The following AADACL3 variants were observed in gnomAD, a reference collection of about 807,000 sequenced individuals.
AADACL3 encodes arylacetamide deacetylase-like 3.
A neutral mutation model predicts 13.6 loss-of-function variants in AADACL3; 13 were observed. The ratio of observed to expected loss-of-function variants is 0.95; its 90% confidence interval spans 0.62 to 1.52. The LOEUF (loss-of-function observed/expected upper bound fraction) is 1.52. Among genes scored for constraint, AADACL3 ranks in the 40% most tolerant of loss-of-function variants. AADACL3 has a pLI of 0.00. For missense variants in AADACL3, 519 were observed against 499.2 expected (o/e 1.04, Z -0.38); for synonymous variants, 195 against 197.0 (o/e 0.99, Z 0.08).
rs1638242415 is a variant in AADACL3, at chr1:12,720,904, C to CT, written c.408dup (p.Arg137SerfsTer7). ...CTAGAAACCCACCATGGCATATGCT[C>CT]TCGTTTGTGCAAGGAGAGTGACTCC... On this transcript the variant is annotated frameshift_variant, in exon 3 of 4. Coordinates refer to ENST00000359318, the MANE Select transcript of AADACL3 (RefSeq NM_001103170.3). LOFTEE classifies it low-confidence loss of function (END_TRUNC). 1 of 1,611,962 alleles carries CT rather than the reference C, an allele frequency of 6.2e-7. No homozygotes were observed. The highest frequency in any genetic ancestry group is 8.5e-7 in the Non-Finnish European group (1 of 1,178,768).
chr1:12,719,734 C>A, intron 2 of AADACL3, 43 bp downstream of exon 2: 1 of 1,560,942 alleles, frequency 6.4e-7, no homozygotes, highest in Non-Finnish European at 8.8e-7. Flanking sequence ...TGGTGGCACC[C>A]CTTAACATAA....
intron 3 of AADACL3, among the ~76,000 whole-genome samples, chr1:12,723,159 A>C (rs965589029): frequency 6.6e-6 from 1 of 152,166 alleles, no homozygotes; most frequent in Non-Finnish European, 1.5e-5. Flanking sequence ...AGTGTGAGCC[A>C]CTATGCCTGC....
intron 3 of AADACL3, 91 bp from the exon 4 acceptor site, chr1:12,725,131 T>C: frequency 7.4e-7 from 1 of 1,352,348 alleles, no homozygotes; most frequent in Non-Finnish European, 1.0e-6. Context: ...CAAAGGGAAG[T>C]GAATGGACTA....
At position 12,725,389 on chromosome 1, in the gene AADACL3, T is replaced by C; in HGVS notation, c.617T>C (p.Leu206Pro). 1 of 1,614,184 alleles carries C rather than the reference T, an allele frequency of 6.2e-7. No homozygotes were observed. The highest frequency in any genetic ancestry group is 8.5e-7 in the Non-Finnish European group (1 of 1,180,038). ...GAIAAVVCQQ[L>P]VDRPDLPRIR... ...ATAGCCGCAGTGGTTTGTCAACAAC[T>C]TGTGGACAGGCCAGATCTGCCCCGG... The change falls in exon 4 of 4, where the codon CTT (leucine) becomes CCT (proline). Residue 206 changes from leucine (L) to proline (P), a missense_variant. Physicochemically the swap from Leu to Pro is moderately conservative, Grantham distance 98. Transcript: ENST00000359318.
intron 1 of AADACL3, among the ~76,000 whole-genome samples, chr1:12,717,841 T>C (rs976912865): frequency 6.6e-6 from 1 of 151,332 alleles, no homozygotes; most frequent in African/African-American, 2.4e-5. Context: ...TCACAGAACA[T>C]AAGGGGGTCA....
intron 1 of AADACL3, among the ~76,000 whole-genome samples, chr1:12,716,611 T>C (rs1648441786): frequency 6.6e-6 from 1 of 152,256 alleles, no homozygotes; most frequent in Non-Finnish European, 1.5e-5. Flanking sequence ...CCAGTCTGGT[T>C]CTATTCACCT....
intron 1 of AADACL3, 35 bp from the exon 2 acceptor site, chr1:12,719,440 C>G: frequency 6.3e-7 from 1 of 1,593,742 alleles, no homozygotes; most frequent in South Asian, 1.1e-5. Flanking sequence ...GTGAAGAAAC[C>G]CATCTCGACC....
chr1:12,717,992 A>G (rs1648476119), intron 1 of AADACL3, among the ~76,000 whole-genome samples: 1 of 152,216 alleles, frequency 6.6e-6, no homozygotes, highest in South Asian at 2.1e-4. Flanking sequence ...CCAGACCTCG[A>G]CTTTTCACCA....
chr1:12,727,444 G>A lies in AADACL3; in HGVS notation c.*1448G>A, dbSNP rs1557573643. 3 of 152,302 alleles carry A rather than the reference G, an allele frequency of 2.0e-5. No homozygotes were observed. In the South Asian group the frequency reaches 6.2e-4, roughly 32 times the overall value. The allele number at this position is 152,302 out of a possible 1,614,324, so 9.4% of individuals were successfully genotyped here. ...AGTGGCAAGAGATGTCAAGACCACT[G>A]GGCAAGTTGGCCAGTTGTTCCTTAG... On this transcript the variant is annotated 3_prime_UTR_variant, in exon 4 of 4. Transcript: ENST00000359318.
intron 1 of AADACL3, among the ~76,000 whole-genome samples, chr1:12,717,544 G>A (rs375393283): frequency 6.6e-6 from 1 of 152,198 alleles, no homozygotes; most frequent in African/African-American, 2.4e-5. Flanking sequence ...TTATGCAACT[G>A]CTGTGTGTCC....
chr1:12,719,668 G>A lies in AADACL3; in HGVS notation c.362G>A (p.Gly121Asp), dbSNP rs1202736705. 1.2e-6 allele frequency: 2 copies of A among 1,614,128 alleles called. No individual in the cohort carries two copies. Among genetic ancestry groups the A allele is most frequent in the Admixed American group, 1.7e-5 (1 of 60,012 alleles). ...LKPGIVYYHG[G>D]GGVMGSLKTH... is the part of the protein sequence containing the mutation. ...CCTGGCATCGTGTACTACCACGGTG[G>A]CGGGGGCGTCATGGGGAGTTTGAGT... is the stretch of plus-strand genomic sequence containing the variant. Residue 121 changes from glycine to aspartate, a missense_variant, in exon 2 of 4, where the codon GGC becomes GAC. Coordinates refer to ENST00000359318, the MANE Select transcript of AADACL3 (RefSeq NM_001103170.3).
Position 12,725,880 on chromosome 1 carries a change from C to A in AADACL3, c.1108C>A (p.His370Asn), listed in dbSNP as rs769698072. The stretch of plus-strand genomic sequence containing the variant: ...AGACCTGGGAGTGCCCGTGACCTGG[C>A]ACCATATGGAGGATGGTTTCCATGG... ...LEDLGVPVTW[H>N]HMEDGFHGVL... Residue 370 changes from histidine to asparagine, a missense_variant, in exon 4 of 4, where the codon CAC becomes AAC. By Grantham distance (68) the His-to-Asn change is moderately conservative. Coordinates refer to ENST00000359318, the MANE Select transcript of AADACL3 (RefSeq NM_001103170.3). The A allele has an allele frequency of 3.1e-6, 5 of 1,614,076 alleles. No individual in the cohort carries two copies. The highest frequency in any genetic ancestry group is 4.2e-6 in the Non-Finnish European group (5 of 1,180,026).
At chr1:12,718,108 T>C (rs1167061372) in intron 1 of AADACL3, among the ~76,000 whole-genome samples, 1 of 152,226 alleles carries the variant, frequency 6.6e-6, no homozygotes, top group Non-Finnish European at 1.5e-5. Context: ...TTAGATCTTA[T>C]TACTCTATGT....
At chr1:12,723,323 T>C (rs1164204928) in intron 3 of AADACL3, among the ~76,000 whole-genome samples, 1 of 152,214 alleles carries the variant, frequency 6.6e-6, no homozygotes, top group Admixed American at 6.5e-5. Flanking sequence ...TGGTGGTGGG[T>C]TAAATCTAGG....
Position 12,725,227 on chromosome 1 carries a change from G to C in AADACL3, c.455G>C (p.Arg152Pro), listed in dbSNP as rs748929112. The change falls in exon 4 of 4, where the codon CGC becomes CCC. Residue 152 changes from arginine (R) to proline (P), a missense_variant. Physicochemically the swap from Arg to Pro is moderately radical, Grantham distance 103. Transcript: ENST00000359318. ...SDSVVLAVGY[R>P]KLPKHKFPVP... The stretch of plus-strand genomic sequence containing the variant: ...GTTTCTTGATTCCTTTTTAGTTACC[G>C]CAAGTTACCTAAGCATAAGTTTCCA... 1 of 1,595,098 alleles carries C rather than the reference G, an allele frequency of 6.3e-7. No individual in the cohort carries two copies. The highest frequency in any genetic ancestry group is 2.2e-5 in the East Asian group (1 of 44,672).
At chr1:12,717,388 G>T (rs1220855838) in intron 1 of AADACL3, among the ~76,000 whole-genome samples, 1 of 152,122 alleles carries the variant, frequency 6.6e-6, no homozygotes, top group African/African-American at 2.4e-5. Flanking sequence ...AGGGAAAATT[G>T]CTCCTACTTC....
intron 3 of AADACL3, among the ~76,000 whole-genome samples, chr1:12,724,979 T>C (rs1638335628): frequency 6.6e-6 from 1 of 152,166 alleles, no homozygotes; most frequent in Non-Finnish European, 1.5e-5. Flanking sequence ...ATTTACATTG[T>C]TGGCCAATTG....
intron 3 of AADACL3, among the ~76,000 whole-genome samples, chr1:12,724,029 C>T (rs1470426920): frequency 6.6e-6 from 1 of 152,162 alleles, no homozygotes; most frequent in African/African-American, 2.4e-5. Context: ...GGTGATCCAC[C>T]TGCCTCGGCC....
chr1:12,728,670 G>A lies in AADACL3; in HGVS notation c.*2674G>A, dbSNP rs552557600. Reference sequence around the variant, plus strand: ...GTCGTAATCTTTTTGCTGGTTGATGGTCTTGCCTTGATGTTGATGCTGCAG... The same window carrying A: ...GTCGTAATCTTTTTGCTGGTTGATGATCTTGCCTTGATGTTGATGCTGCAG... On this transcript the variant is annotated 3_prime_UTR_variant, in exon 4 of 4. Coordinates refer to ENST00000359318, the MANE Select transcript of AADACL3 (RefSeq NM_001103170.3). 1 of 152,372 alleles carries A rather than the reference G, an allele frequency of 6.6e-6. No individual in the cohort carries two copies. Among genetic ancestry groups the A allele is most frequent in the African/African-American group, 2.4e-5 (1 of 41,560 alleles). 9.4% of individuals were successfully genotyped at this position (152,372 alleles called of 1,614,324 possible).
Sources: allele counts gnomAD v4.1 joint callset (sites outside exome capture counted in the v4.1 genomes callset), GRCh38; gene constraint gnomAD v4.1.1; transcripts MANE v1.5; gene names NCBI Gene and HGNC (gene_info 2026-07-23, HGNC 2026-07-21).